Variants in OR2T6 observed in about 807,000 individuals in gnomAD.
OR2T6 encodes the protein olfactory receptor family 2 subfamily T member 6.
For missense variants in OR2T6, 424 were observed against 391.6 expected, an observed-to-expected ratio of 1.08 and a Z score of -0.70; for synonymous variants, 174 against 148.0, an observed-to-expected ratio of 1.18 and a Z score of -1.27.
rs535326317 is a variant in OR2T6 at position 248,388,627 on chromosome 1, G to A, written c.*92G>A. On this transcript the variant is annotated 3_prime_UTR_variant, in exon 3 of 3. Coordinates refer to ENST00000641644, the MANE Select transcript of OR2T6 (RefSeq NM_001005471.2). ...TATGGGGTCGTATCATGGATACCAC[G>A]GATGATGCTGACAGGAACTTTCAAT... 46 of 939,098 alleles carry A rather than the reference G, an allele frequency of 4.9e-5. No homozygotes were observed. Among genetic ancestry groups the A allele is most frequent in the Admixed American group, 1.1e-4 (4 of 36,674 alleles). The allele number at this position is 939,098 out of a possible 1,614,324, so 58.2% of individuals were successfully genotyped here. A position where few individuals can be genotyped will look rare whatever the true frequency, so the allele number is the denominator to read the frequency against.
intron 1 of OR2T6, among the ~76,000 whole-genome samples, chr1:248,377,504 C>A (rs183961223): frequency 1.3e-5 from 2 of 152,270 alleles, no homozygotes; most frequent in African/African-American, 2.4e-5. Context: ...CAGAAGCATG[C>A]AGCAAATAAA....
In OR2T6 at chr1:248,388,506, G is replaced by A; in HGVS notation, c.898G>A (p.Ala300Thr). Residue 300 changes from alanine to threonine, a missense_variant, in exon 3 of 3, where the codon GCC (alanine) becomes ACC (threonine). Coordinates refer to ENST00000641644, the MANE Select transcript of OR2T6 (RefSeq NM_001005471.2). ...TCTGAGGAACAGGGATGTGATGGGT[G>A]CCTTGAAGAGAGTTGTGGCAAGATG... is the stretch of plus-strand genomic sequence containing the variant. ...YSLRNRDVMG[A>T]LKRVVARC 3 of 1,580,886 alleles carry A rather than the reference G, an allele frequency of 1.9e-6. No individual in the cohort carries two copies. The highest frequency in any genetic ancestry group is 2.6e-6 in the Non-Finnish European group (3 of 1,164,894).
intron 1 of OR2T6, among the ~76,000 whole-genome samples, chr1:248,377,199 C>A (rs1352436968): frequency 6.6e-6 from 1 of 152,170 alleles, no homozygotes; most frequent in Non-Finnish European, 1.5e-5. Context: ...TTCTGGACTG[C>A]GTCATTAGCT....
At chr1:248,386,527 A>G (rs1408930235) in intron 2 of OR2T6, among the ~76,000 whole-genome samples, 1 of 152,204 alleles carries the variant, frequency 6.6e-6, no homozygotes, top group Non-Finnish European at 1.5e-5. Flanking sequence ...AGAGATAAAA[A>G]GAAAAAAACA....
chr1:248,390,348 A>G lies in OR2T6; in HGVS notation c.*1813A>G. The G allele has an allele frequency of 6.6e-6, 1 of 152,224 alleles. No homozygotes were observed. The highest frequency in any genetic ancestry group is 1.9e-4 in the East Asian group (1 of 5,194). 9.4% of individuals were successfully genotyped at this position (152,224 alleles called of 1,614,324 possible). ...ATCCCAAACCCCTCAGGCCACCTCT[A>G]CAAGCTGCTGTGCCAGGCTTTGTAC... On this transcript the variant is annotated 3_prime_UTR_variant, in exon 3 of 3. Transcript: ENST00000641644.
rs889256488 is a variant in OR2T6, at chr1:248,375,909, A to G, written c.-304A>G. On this transcript the variant is annotated 5_prime_UTR_variant, in exon 1 of 3. Coordinates refer to ENST00000641644, the MANE Select transcript of OR2T6 (RefSeq NM_001005471.2). Reference sequence around the variant, plus strand: ...GATCTCCTCTCATCTTTTCAAGGAAAGATACTAATATGAAGACAGAAAAAA... The same window carrying G: ...GATCTCCTCTCATCTTTTCAAGGAAGGATACTAATATGAAGACAGAAAAAA... 3 of 151,922 alleles carry G rather than the reference A, an allele frequency of 2.0e-5. No homozygotes were observed. The highest frequency in any genetic ancestry group is 4.8e-5 in the African/African-American group (2 of 41,346). 9.4% of individuals were successfully genotyped at this position (151,922 alleles called of 1,614,324 possible). A position where few individuals can be genotyped will look rare whatever the true frequency, so the allele number is the denominator to read the frequency against.
In OR2T6 at chr1:248,387,800, C is replaced by A; in HGVS notation, c.192C>A (p.Ser64Arg). 6.2e-7 allele frequency: 1 copy of A among 1,610,384 alleles called. No homozygotes were observed. Among genetic ancestry groups the A allele is most frequent in the Middle Eastern group, 1.7e-4 (1 of 6,044 alleles). Residue 64 changes from serine (S) to arginine (R), a missense_variant, in exon 3 of 3, where the codon AGC (serine) becomes AGA (arginine). Ser to Arg is a moderately radical substitution (Grantham distance 110, BLOSUM62 -1). Coordinates refer to ENST00000641644, the MANE Select transcript of OR2T6 (RefSeq NM_001005471.2). ...ACACCCCCATGTACTTCCTCCTCAG[C>A]CACCTCTCCGTCATTGACACATTAT... ...HLHTPMYFLL[S>R]HLSVIDTLYI... is the part of the protein sequence containing the mutation.
At chr1:248,382,376 A>C (rs1160079372) in intron 1 of OR2T6, among the ~76,000 whole-genome samples, 2 of 152,200 alleles carry the variant, frequency 1.3e-5, no homozygotes, top group Non-Finnish European at 2.9e-5. Context: ...TAATGAAATG[A>C]AACATCCATA....
chr1:248,377,697 G>T (rs1177814545), intron 1 of OR2T6, among the ~76,000 whole-genome samples: 2 of 152,204 alleles, frequency 1.3e-5, no homozygotes, highest in Admixed American at 1.3e-4. Flanking sequence ...CATAGTATGT[G>T]ATGAGTAAAA....
chr1:248,387,273 C>T (rs1441066690), intron 2 of OR2T6, among the ~76,000 whole-genome samples: 1 of 152,172 alleles, frequency 6.6e-6, no homozygotes, highest in East Asian at 1.9e-4. Context: ...GTTGTATCCA[C>T]ATTTTAAGTA....
intron 1 of OR2T6, among the ~76,000 whole-genome samples, chr1:248,378,421 G>A (rs975435816): frequency 6.6e-6 from 1 of 151,056 alleles, no homozygotes. Context: ...GATCTGGAGT[G>A]TGCGTTTTAA....
chr1:248,377,382 A>T (rs1017174860), intron 1 of OR2T6, among the ~76,000 whole-genome samples: 7 of 152,222 alleles, frequency 4.6e-5, no homozygotes, highest in Non-Finnish European at 8.8e-5. Flanking sequence ...AGGAGTAATC[A>T]ATTGATGTAT....
rs759778497 is a variant in OR2T6 at position 248,390,820 on chromosome 1, TTC to T, written c.*2287_*2288del. The T allele has an allele frequency of 2.6e-5, 4 of 152,212 alleles. No homozygotes were observed. The highest frequency in any genetic ancestry group is 5.9e-5 in the Non-Finnish European group (4 of 68,026). The allele number at this position is 152,212 out of a possible 1,614,324, so 9.4% of individuals were successfully genotyped here. On this transcript the variant is annotated 3_prime_UTR_variant, in exon 3 of 3. Coordinates refer to ENST00000641644, the MANE Select transcript of OR2T6 (RefSeq NM_001005471.2). Reference sequence around the variant, plus strand: ...AGCTCCACGTAAACACCATGTGAATTTCTGTCAATCATACAATGCTTCTGAGG... The same window carrying T: ...AGCTCCACGTAAACACCATGTGAATTTGTCAATCATACAATGCTTCTGAGG...
intron 1 of OR2T6, among the ~76,000 whole-genome samples, chr1:248,380,263 A>G (rs983392283): frequency 6.6e-6 from 1 of 152,024 alleles, no homozygotes; most frequent in Non-Finnish European, 1.5e-5. Flanking sequence ...ATATTAATAT[A>G]ATGTTAAAAT....
chr1:248,388,108 C>T lies in OR2T6; in HGVS notation c.500C>T (p.Pro167Leu), dbSNP rs369678274. The T allele has an allele frequency of 3.3e-5, 53 of 1,613,908 alleles. No homozygotes were observed. The highest frequency in any genetic ancestry group is 4.5e-5 in the East Asian group (2 of 44,808). Residue 167 changes from proline (P) to leucine (L), a missense_variant, in exon 3 of 3, where the codon CCG becomes CTG. Coordinates refer to ENST00000641644, the MANE Select transcript of OR2T6 (RefSeq NM_001005471.2). Reference sequence around the variant, plus strand: ...CTCACCCCCATTACCATGAGTCTCCCGTTCTGTGCCTCTCACCAAATCAAT... The same window carrying T: ...CTCACCCCCATTACCATGAGTCTCCTGTTCTGTGCCTCTCACCAAATCAAT... ...FLLTPITMSL[P>L]FCASHQINHF...
chr1:248,377,910 G>A (rs1465457605), intron 1 of OR2T6, among the ~76,000 whole-genome samples: 1 of 152,096 alleles, frequency 6.6e-6, no homozygotes, highest in African/African-American at 2.4e-5. Context: ...TTTGTAAACA[G>A]GCAGTGCTAT....
rs148074934 is a variant in OR2T6 at position 248,380,150 on chromosome 1, T to C, written c.-159+4096T>C. Among the ~76,000 whole-genome samples, 415 of 152,152 alleles carry C rather than the reference T, an allele frequency of 2.7e-3. 4 individuals are homozygous for C. The highest frequency in any genetic ancestry group is 0.01 in the East Asian group (52 of 5,190). ...TAAGAATTTTGACTATATTTGTGTGTATGCATTATATCTACTTATAACTAT... is the reference window on the plus strand; with the variant it reads ...TAAGAATTTTGACTATATTTGTGTGCATGCATTATATCTACTTATAACTAT... On this transcript the variant is annotated intron_variant, in intron 1 of 2. Coordinates refer to ENST00000641644, the MANE Select transcript of OR2T6 (RefSeq NM_001005471.2).
chr1:248,380,679 C>A (rs140935378), intron 1 of OR2T6, among the ~76,000 whole-genome samples: 308 of 151,328 alleles, frequency 2.0e-3, no homozygotes, highest in African/African-American at 7.0e-3. Flanking sequence ...AAAGTTTGAA[C>A]TTCCTTTGGT....
At position 248,388,628 on chromosome 1, in the gene OR2T6, G is replaced by A; in HGVS notation, c.*93G>A. The A allele has an allele frequency of 2.1e-6, 2 of 934,012 alleles. No homozygotes were observed. Among genetic ancestry groups the A allele is most frequent in the Non-Finnish European group, 3.2e-6 (2 of 633,262 alleles). The allele number at this position is 934,012 out of a possible 1,614,324, so 57.9% of individuals were successfully genotyped here. A position where few individuals can be genotyped will look rare whatever the true frequency, so the allele number is the denominator to read the frequency against. On this transcript the variant is annotated 3_prime_UTR_variant, in exon 3 of 3. Coordinates refer to ENST00000641644, the MANE Select transcript of OR2T6 (RefSeq NM_001005471.2). ...ATGGGGTCGTATCATGGATACCACG[G>A]ATGATGCTGACAGGAACTTTCAATA...
Sources: gnomAD v4.1 joint callset for allele counts (sites outside exome capture counted in the v4.1 genomes callset) on GRCh38, gnomAD v4.1.1 for gene constraint, MANE v1.5 for transcripts, NCBI Gene and HGNC (gene_info 2026-07-23, HGNC 2026-07-21) for gene names.